Variants in PACS1 observed in about 807,000 individuals in gnomAD.
PACS1 encodes the protein phosphofurin acidic cluster sorting protein 1.
PACS1 carries 24 observed loss-of-function variants against 115.0 expected under a neutral mutation model. That is an observed-to-expected ratio of 0.21 (90% CI 0.15 to 0.29). The LOEUF is 0.29. Among genes scored for constraint, PACS1 ranks in the 10% least tolerant of loss-of-function variants. The pLI, the probability that PACS1 is intolerant of heterozygous loss-of-function variation, is 1.00. For synonymous variants in PACS1, 453 were observed against 504.5 expected, an observed-to-expected ratio of 0.90 and a Z score of 1.37; for missense variants, 838 against 1,251.2, an observed-to-expected ratio of 0.67 and a Z score of 4.98.
Position 66,239,290 on chromosome 11 carries a change from C to T in PACS1, c.2429+13C>T. On this transcript the variant is annotated intron_variant, in intron 21 of 23. Transcript: ENST00000320580. ...TGGCCATCGTGGGGTAAGGCTCCTG[C>T]CCGTACCTGTCCTGCCATGCCCTCC... 6.2e-7 allele frequency: 1 copy of T among 1,604,978 alleles called. No individual in the cohort carries two copies. Among genetic ancestry groups the T allele is most frequent in the East Asian group, 2.2e-5 (1 of 44,708 alleles).
intron 1 of PACS1, among the ~76,000 whole-genome samples, chr11:66,179,661 GA>G (rs1277472113): frequency 3.9e-5 from 6 of 152,138 alleles, no homozygotes; most frequent in African/African-American, 1.4e-4. Flanking sequence ...CAGTAAACTG[GA>G]AATAGTACTT....
At chr11:66,099,721 T>C (rs1857871063) in intron 1 of PACS1, among the ~76,000 whole-genome samples, 2 of 151,820 alleles carry the variant, frequency 1.3e-5, no homozygotes, top group Admixed American at 1.3e-4. Flanking sequence ...AATTTTTGTA[T>C]TTTTTGTAGA....
chr11:66,141,615 C>G (rs917044634), intron 1 of PACS1, among the ~76,000 whole-genome samples: 9 of 150,524 alleles, frequency 6.0e-5, no homozygotes, highest in South Asian at 2.1e-4. Context: ...GATCACACCA[C>G]TGTACTCTAG....
At chr11:66,151,461 GCTGT>G (rs1859237168) in intron 1 of PACS1, among the ~76,000 whole-genome samples, 1 of 152,098 alleles carries the variant, frequency 6.6e-6, no homozygotes, top group African/African-American at 2.4e-5. Flanking sequence ...TAAATCCCTG[GCTGT>G]CTGCCAGATT....
chr11:66,131,867 A>G (rs561494413), intron 1 of PACS1, among the ~76,000 whole-genome samples: 1 of 152,022 alleles, frequency 6.6e-6, no homozygotes, highest in Non-Finnish European at 1.5e-5. Flanking sequence ...CTAAATTTGT[A>G]TACTCACTGT....
In PACS1 at chr11:66,233,161, C is replaced by T. The variant is rs1020518766; in HGVS notation, c.1838+95C>T. On this transcript the variant is annotated intron_variant, in intron 15 of 23. Transcript: ENST00000320580. This position sits in a 1 kb window ranked among gnomAD's most constrained non-coding sequence, Gnocchi z 4.5. ...CTAAGCAATGATAGACCCTCCTGGC[C>T]TCATCAGACCAAGAATTTGCAGAGG... 1.1e-5 allele frequency: 10 copies of T among 911,020 alleles called. No individual in the cohort carries two copies. Among genetic ancestry groups the T allele is most frequent in the Non-Finnish European group, 1.7e-5 (10 of 582,778 alleles). The allele number at this position is 911,020 out of a possible 1,614,324, so 56.4% of individuals were successfully genotyped here.
intron 1 of PACS1, among the ~76,000 whole-genome samples, chr11:66,141,653 C>CA (rs146519414): frequency 2.0e-3 from 240 of 117,892 alleles, no homozygotes; most frequent in South Asian, 2.9e-3. Flanking sequence ...GACTCCATCT[C>CA]AAAAAAAAAA....
intron 4 of PACS1, among the ~76,000 whole-genome samples, chr11:66,212,421 T>C (rs930819416): frequency 6.6e-5 from 10 of 151,238 alleles, no homozygotes; most frequent in Admixed American, 2.0e-4. Context: ...CATGAGCCAC[T>C]GCGCCTGGCC....
At chr11:66,115,051 A>G (rs79556001) in intron 1 of PACS1, among the ~76,000 whole-genome samples, 1 of 151,784 alleles carries the variant, frequency 6.6e-6, no homozygotes, top group Non-Finnish European at 1.5e-5. Context: ...CAAAAAAAAA[A>G]TACAAAAATT....
At chr11:66,132,694 A>G (rs1455766603) in intron 1 of PACS1, among the ~76,000 whole-genome samples, 1 of 152,006 alleles carries the variant, frequency 6.6e-6, no homozygotes, top group African/African-American at 2.4e-5. Flanking sequence ...CTTGAGATGG[A>G]GTTTTACTCT....
intron 1 of PACS1, among the ~76,000 whole-genome samples, chr11:66,084,871 T>G (rs1857540931): frequency 6.6e-6 from 1 of 152,208 alleles, no homozygotes; most frequent in South Asian, 2.1e-4. Flanking sequence ...ATAAAATTTC[T>G]TGGGAATGTA....
At position 66,239,216 on chromosome 11, in the gene PACS1, C is replaced by G; in HGVS notation, c.2368C>G (p.Arg790Gly). The change falls in exon 21 of 24, where the codon CGA becomes GGA. Residue 790 changes from arginine (R) to glycine (G), a missense_variant. Physicochemically the swap from Arg to Gly is moderately radical, Grantham distance 125 (BLOSUM62 -2). Transcript: ENST00000320580. ...TSPPSSSGLS[R>G]DATATPPSSP... ...ACCACCCTCCAGCTCGGGCCTGAGC[C>G]GAGACGCCACGGCCACCCCTCCCTC... 1 of 1,614,004 alleles carries G rather than the reference C, an allele frequency of 6.2e-7. No individual in the cohort carries two copies. The highest frequency in any genetic ancestry group is 8.5e-7 in the Non-Finnish European group (1 of 1,180,004).
At chr11:66,229,634 G>A (rs962496890) in intron 11 of PACS1, among the ~76,000 whole-genome samples, 3 of 150,910 alleles carry the variant, frequency 2.0e-5, no homozygotes, top group Non-Finnish European at 3.0e-5. Flanking sequence ...AGCCGAGATC[G>A]CGCCACTGCA....
intron 1 of PACS1, among the ~76,000 whole-genome samples, chr11:66,138,448 C>G (rs1223460616): frequency 6.6e-6 from 1 of 152,044 alleles, no homozygotes; most frequent in Non-Finnish European, 1.5e-5. Context: ...CTATACTTTG[C>G]AGGACCAAGA....
chr11:66,171,436 G>A (rs918706716), intron 1 of PACS1, among the ~76,000 whole-genome samples: 9 of 149,896 alleles, frequency 6.0e-5, no homozygotes, highest in Admixed American at 6.6e-5. Flanking sequence ...ATATCCATAG[G>A]TGTTTTTTTC....
intron 1 of PACS1, among the ~76,000 whole-genome samples, chr11:66,159,779 G>A (rs1261169960): frequency 1.3e-5 from 2 of 152,152 alleles, no homozygotes; most frequent in African/African-American, 2.4e-5. Context: ...AAATGCTAAT[G>A]GATTAAGAAA....
intron 1 of PACS1, chr11:66,120,972 G>A (rs1389874015): frequency 2.2e-6 from 1 of 456,066 alleles, no homozygotes; most frequent in Non-Finnish European, 4.4e-6. Flanking sequence ...CACTGTGTGC[G>A]GGCCCTACCT....
At chr11:66,074,805 T>C (rs1450535972) in intron 1 of PACS1, among the ~76,000 whole-genome samples, 2 of 152,196 alleles carry the variant, frequency 1.3e-5, no homozygotes, top group Non-Finnish European at 2.9e-5. Context: ...GTTACTTTCA[T>C]GAAAACGCTT....
At position 66,168,516 on chromosome 11, in the gene PACS1, G is replaced by A. The variant is rs1313429239; in HGVS notation, c.357-24970G>A. On this transcript the variant is annotated intron_variant, in intron 1 of 23. Transcript: ENST00000320580. ...TTTCAGTCCTCACTTAGCTGCTTAC[G>A]GTGTCATCTTGGGTTTCAATCCTGT... is the stretch of plus-strand genomic sequence containing the variant. 2.7e-5 allele frequency among the ~76,000 whole-genome samples: 4 copies of A among 150,192 alleles called. 1 individual carries two copies. The highest frequency in any genetic ancestry group is 1.9e-4 in the East Asian group (1 of 5,190).
Sources: allele counts gnomAD v4.1 joint callset (sites outside exome capture counted in the v4.1 genomes callset), GRCh38; gene constraint gnomAD v4.1.1; non-coding constraint Gnocchi (gnomAD v3.1); transcripts MANE v1.5; gene names NCBI Gene and HGNC (gene_info 2026-07-23, HGNC 2026-07-21).